IGF2BP2: variants seen among roughly 807,000 people sequenced by gnomAD.
IGF2BP2 encodes insulin like growth factor 2 mRNA binding protein 2.
IGF2BP2 carries 17 observed loss-of-function variants against 75.8 expected under a neutral mutation model. The observed-to-expected ratio is 0.22, with a 90% confidence interval of 0.15 to 0.34. IGF2BP2 has a LOEUF of 0.34. Among genes scored for constraint, IGF2BP2 ranks in the 10% least tolerant of loss-of-function variants. The pLI is 1.00. For synonymous variants in IGF2BP2, 288 were observed against 295.6 expected, an observed-to-expected ratio of 0.97 and a Z score of 0.26; for missense variants, 516 against 772.4, an observed-to-expected ratio of 0.67 and a Z score of 3.93.
intron 2 of IGF2BP2, among the ~76,000 whole-genome samples, chr3:185,701,081 T>A (rs1723228916): frequency 6.6e-6 from 1 of 152,044 alleles, no homozygotes; most frequent in Non-Finnish European, 1.5e-5. Context: ...GCTACTAACT[T>A]TTTTATATTT....
In IGF2BP2 at chr3:185,675,795, A is replaced by T. The variant is rs113792141; in HGVS notation, c.931T>A (p.Ser311Thr). ...EHETGTKITI[S>T]SLQDLSIYNP... is the part of the protein sequence containing the mutation. ...TAATCTGAGTAAGTGGCTTACGATG[A>T]GATTGTTATCTTGGTCCCTGTTTCA... Residue 311 changes from serine to threonine, a missense_variant, in exon 8 of 16, where the codon TCA becomes ACA. By Grantham distance (58) the Ser-to-Thr change is moderately conservative (BLOSUM62 1). This residue lies in a region of IGF2BP2 where 312 missense variants were observed against 474.5 expected (regional missense o/e 0.66). Transcript: ENST00000382199. The T allele has an allele frequency of 6.2e-7, 1 of 1,612,504 alleles. No homozygotes were observed. The highest frequency in any genetic ancestry group is 8.5e-7 in the Non-Finnish European group (1 of 1,179,816).
chr3:185,722,454 T>C (rs1369635185), intron 2 of IGF2BP2: 1 of 339,554 alleles, frequency 2.9e-6, no homozygotes, highest in Non-Finnish European at 5.7e-6. Flanking sequence ...TGAACTTTTA[T>C]GAGGAGCAGT....
At chr3:185,692,841 A>G in intron 4 of IGF2BP2, 79 bp from the exon 5 acceptor site, 1 of 1,261,918 alleles carries the variant, frequency 7.9e-7, no homozygotes, top group Non-Finnish European at 1.2e-6. Context: ...GACAAACTTT[A>G]GAGAAAAATG....
intron 7 of IGF2BP2, among the ~76,000 whole-genome samples, chr3:185,683,162 C>A (rs1184095344): frequency 6.6e-6 from 1 of 152,094 alleles, no homozygotes; most frequent in Non-Finnish European, 1.5e-5. Flanking sequence ...CTTGAGGACA[C>A]TATGCAAAGT....
intron 2 of IGF2BP2, among the ~76,000 whole-genome samples, chr3:185,801,483 C>G (rs1738256104): frequency 7.2e-6 from 1 of 139,480 alleles, no homozygotes; most frequent in Non-Finnish European, 1.5e-5. Context: ...GAGCAAAACT[C>G]CATCTCAAAA....
At chr3:185,695,960 T>C (rs1231895331) in intron 4 of IGF2BP2, among the ~76,000 whole-genome samples, 1 of 152,162 alleles carries the variant, frequency 6.6e-6, no homozygotes, top group Non-Finnish European at 1.5e-5. Flanking sequence ...GCTAATTTTG[T>C]ATTTTTAGTA....
intron 10 of IGF2BP2, among the ~76,000 whole-genome samples, chr3:185,666,611 A>G (rs542794554): frequency 6.6e-6 from 1 of 152,340 alleles, no homozygotes; most frequent in Non-Finnish European, 1.5e-5. Flanking sequence ...CCTGGGCGAC[A>G]GAGCAAGACT....
intron 2 of IGF2BP2, among the ~76,000 whole-genome samples, chr3:185,740,543 T>C (rs1409163003): frequency 6.6e-6 from 1 of 152,260 alleles, no homozygotes; most frequent in Non-Finnish European, 1.5e-5. Context: ...CTTTTTGTTC[T>C]GTGTTATGCT....
chr3:185,682,728 A>G (rs1167601997), intron 7 of IGF2BP2, among the ~76,000 whole-genome samples: 2 of 152,264 alleles, frequency 1.3e-5, no homozygotes, highest in Non-Finnish European at 2.9e-5. Context: ...ATACAAATCA[A>G]GACCACAATG....
At position 185,774,138 on chromosome 3, in the gene IGF2BP2, C is replaced by T. The variant is rs187714479; in HGVS notation, c.239+49015G>A. Among the ~76,000 whole-genome samples, 9 of 152,230 alleles carry T rather than the reference C, an allele frequency of 5.9e-5. No homozygotes were observed. The East Asian group carries it at 1.7e-3, about 29-fold the overall frequency. On this transcript the variant is annotated intron_variant, in intron 2 of 15. Transcript: ENST00000382199. The stretch of plus-strand genomic sequence containing the variant: ...TTCTGGAAGGGCAAATAATTATGGC[C>T]TCATCCTTACTCCAGTTCATACAAT...
intron 10 of IGF2BP2, among the ~76,000 whole-genome samples, chr3:185,671,559 A>AAAAAG (rs1216384848): frequency 6.6e-6 from 1 of 151,614 alleles, no homozygotes; most frequent in East Asian, 1.9e-4. Flanking sequence ...AAAGAAAAAG[A>AAAAAG]AAAAGAAAAG....
chr3:185,787,458 C>T (rs867479858), intron 2 of IGF2BP2, among the ~76,000 whole-genome samples: 2 of 152,170 alleles, frequency 1.3e-5, no homozygotes, highest in African/African-American at 2.4e-5. Context: ...ACAGGCCGGG[C>T]GCGGCGGCTC....
rs561758200 is a variant in IGF2BP2 at position 185,643,528 on chromosome 3, C to T, written c.*2003G>A. On this transcript the variant is annotated 3_prime_UTR_variant, in exon 16 of 16. Transcript: ENST00000382199. ...TTTCTAACAAGTTCCCAGATGATAGCTGATGCTGCTGGTCTGGGGACTACA... is the reference window on the plus strand; with the variant it reads ...TTTCTAACAAGTTCCCAGATGATAGTTGATGCTGCTGGTCTGGGGACTACA... Among the ~76,000 whole-genome samples the T allele has an allele frequency of 6.6e-6, 1 of 152,288 alleles. No homozygotes were observed. The highest frequency in any genetic ancestry group is 2.1e-4 in the South Asian group (1 of 4,828).
chr3:185,692,252 T>A (rs1432329722), intron 5 of IGF2BP2, among the ~76,000 whole-genome samples: 1 of 152,192 alleles, frequency 6.6e-6, no homozygotes, highest in Non-Finnish European at 1.5e-5. Flanking sequence ...AATTGATGTT[T>A]TGGTATAGGC....
intron 2 of IGF2BP2, among the ~76,000 whole-genome samples, chr3:185,750,572 C>T (rs571100593): frequency 2.6e-5 from 4 of 152,078 alleles, no homozygotes; most frequent in Non-Finnish European, 4.4e-5. Flanking sequence ...CAGTTCTCTA[C>T]GTAGATCACT....
chr3:185,704,887 G>A (rs1014645865), intron 2 of IGF2BP2, among the ~76,000 whole-genome samples: 2 of 152,088 alleles, frequency 1.3e-5, no homozygotes, highest in Admixed American at 6.6e-5. Context: ...AATTGCCTCC[G>A]CCTCTATGGA....
chr3:185,785,898 A>C (rs1321976886), intron 2 of IGF2BP2, among the ~76,000 whole-genome samples: 3 of 152,218 alleles, frequency 2.0e-5, no homozygotes, highest in Non-Finnish European at 4.4e-5. Context: ...AGTAGATCTA[A>C]GGATTCTTTC....
intron 2 of IGF2BP2, among the ~76,000 whole-genome samples, chr3:185,781,314 T>C (rs982293155): frequency 3.3e-5 from 5 of 152,156 alleles, no homozygotes; most frequent in Admixed American, 6.6e-5. Context: ...CCATTAGAAA[T>C]GTCATAGTGA....
intron 7 of IGF2BP2, among the ~76,000 whole-genome samples, chr3:185,686,403 G>A (rs998688298): frequency 2.0e-5 from 3 of 151,696 alleles, no homozygotes; most frequent in Non-Finnish European, 4.4e-5. Flanking sequence ...AAAAAGGAGA[G>A]GGGGGTAGTG....
Sources: gnomAD v4.1 joint callset for allele counts (sites outside exome capture counted in the v4.1 genomes callset) on GRCh38, gnomAD v4.1.1 for gene constraint, gnomAD v4.1.1 regional missense constraint, MANE v1.5 for transcripts, NCBI Gene and HGNC (gene_info 2026-07-23, HGNC 2026-07-21) for gene names.